Variants in MBOAT4 observed in about 807,000 individuals in gnomAD.
MBOAT4 encodes the protein membrane-bound ghrelin O-acyltransferase MBOAT4.
A neutral mutation model predicts 13.2 loss-of-function variants in MBOAT4; 11 were observed. That is an observed-to-expected ratio of 0.84 (90% confidence interval 0.53 to 1.38). The LOEUF (loss-of-function observed/expected upper bound fraction) is 1.38, where lower values mean the gene tolerates loss of function less well. MBOAT4 is among the 40% of genes most tolerant of loss of function. MBOAT4 has a pLI of 0.00. For synonymous variants in MBOAT4, 202 were observed against 210.3 expected, an observed-to-expected ratio of 0.96 and a Z score of 0.34; for missense variants, 481 against 527.2, an observed-to-expected ratio of 0.91 and a Z score of 0.86.
chr8:30,137,599 G>A, intron 2 of MBOAT4: 1 of 930,822 alleles, frequency 1.1e-6, no homozygotes, highest in Non-Finnish European at 1.6e-6. Flanking sequence ...TAATGAAACT[G>A]CCATTGCAAA....
At chr8:30,136,471 A>G (rs1439574192) in intron 2 of MBOAT4, among the ~76,000 whole-genome samples, 7 of 152,158 alleles carry the variant, frequency 4.6e-5, no homozygotes, top group African/African-American at 1.7e-4. Context: ...TGAGCCACCC[A>G]GTCTGTGGCA....
chr8:30,132,546 G>A lies in MBOAT4; in HGVS notation c.705C>T (p.Cys235=). 6.4e-7 allele frequency: 1 copy of A among 1,551,700 alleles called. No individual in the cohort carries two copies. Among genetic ancestry groups the A allele is most frequent in the Non-Finnish European group, 8.7e-7 (1 of 1,147,002 alleles). The change falls in exon 3 of 3, where the codon TGC becomes TGT. Residue 235 remains cysteine, a synonymous_variant. Coordinates refer to ENST00000320542, the MANE Select transcript of MBOAT4 (RefSeq NM_001100916.2). ...CGACATAGATGCACTCGAATTGCTG[G>A]CAATCAGTCAGTCCCGCTCCTGCAT... ...VVDAGAGLTD[C]QQFECIYVVW...
intron 1 of MBOAT4, among the ~76,000 whole-genome samples, chr8:30,139,987 T>A (rs1803233915): frequency 6.6e-6 from 1 of 152,108 alleles, no homozygotes; most frequent in Non-Finnish European, 1.5e-5. Flanking sequence ...GTTGTTACAG[T>A]TTATTATATC....
chr8:30,133,605 A>G (rs192886832), intron 2 of MBOAT4, among the ~76,000 whole-genome samples: 50 of 152,166 alleles, frequency 3.3e-4, no homozygotes, highest in Admixed American at 1.6e-3. Context: ...TTAATTCAGA[A>G]CCACACACTA....
At chr8:30,134,838 G>GCTC (rs1040356558) in intron 2 of MBOAT4, among the ~76,000 whole-genome samples, 1 of 151,880 alleles carries the variant, frequency 6.6e-6, no homozygotes, top group African/African-American at 2.4e-5. Flanking sequence ...GTGAGCCACT[G>GCTC]CTCCCAGCCA....
At chr8:30,140,378 G>A (rs994842086) in intron 1 of MBOAT4, among the ~76,000 whole-genome samples, 3 of 151,976 alleles carry the variant, frequency 2.0e-5, no homozygotes, top group Non-Finnish European at 2.9e-5. Context: ...ATAAGCCATC[G>A]CGCCCGGCCA....
At chr8:30,138,412 C>G (rs1795795461) in intron 2 of MBOAT4, 120 bp downstream of exon 2, 1 of 701,442 alleles carries the variant, frequency 1.4e-6, no homozygotes, top group Admixed American at 2.9e-5. Context: ...TGCTCAAGGT[C>G]ACACTGGTCA....
intron 1 of MBOAT4, 115 bp downstream of exon 1, chr8:30,144,368 T>A (rs981283665): frequency 1.5e-6 from 1 of 683,464 alleles, no homozygotes; most frequent in Non-Finnish European, 2.4e-6. Context: ...ACCCCTGGCC[T>A]CAAGTGATCT....
chr8:30,137,226 C>A, intron 2 of MBOAT4: 1 of 1,417,542 alleles, frequency 7.1e-7, no homozygotes, highest in Non-Finnish European at 9.7e-7. Flanking sequence ...TGATTCATGA[C>A]AACACTTCTC....
rs137925555 is a variant in MBOAT4 at position 30,132,718 on chromosome 8, C to A, written c.533G>T (p.Gly178Val). The A allele has an allele frequency of 3.2e-6, 5 of 1,551,700 alleles. No homozygotes were observed. The highest frequency in any genetic ancestry group is 4.4e-6 in the Non-Finnish European group (5 of 1,147,000). Residue 178 changes from glycine to valine, a missense_variant, in exon 3 of 3, where the codon GGC becomes GTC. Gly to Val is a moderately radical substitution (Grantham distance 109). Transcript: ENST00000320542. ...AAATCGCTGGAAGGAGCACAGAGAG[C>A]CTCCCAGGAGAGCAGGGAAAAAGAG... is the stretch of plus-strand genomic sequence containing the variant. The part of the protein sequence containing the change: ...YLLFFPALLG[G>V]SLCSFQRFQA...
In MBOAT4 at chr8:30,132,728, G is replaced by A. The variant is rs1803052985; in HGVS notation, c.523C>T (p.Leu175Phe). The change falls in exon 3 of 3, where the codon CTC becomes TTC. Residue 175 changes from leucine (L) to phenylalanine (F), a missense_variant. Transcript: ENST00000320542. ...YFSYLLFFPA[L>F]LGGSLCSFQR... ...AAGGAGCACAGAGAGCCTCCCAGGA[G>A]AGCAGGGAAAAAGAGCAAGTAGCTG... is the stretch of plus-strand genomic sequence containing the variant. The A allele has an allele frequency of 1.2e-5, 19 of 1,551,594 alleles. No homozygotes were observed. The highest frequency in any genetic ancestry group is 3.6e-5 in the South Asian group (3 of 84,072).
At chr8:30,141,644 AAAAGAAAAG>A (rs1480074831) in intron 1 of MBOAT4, among the ~76,000 whole-genome samples, 8 of 152,122 alleles carry the variant, frequency 5.3e-5, no homozygotes, top group Non-Finnish European at 1.2e-4. Flanking sequence ...TTTCAAAAAG[AAAAGAAAAG>A]AAAGAAAAGA....
rs954257071 is a variant in MBOAT4 at position 30,132,106 on chromosome 8, G to A, written c.1145C>T (p.Thr382Ile). The A allele has an allele frequency of 3.9e-6, 6 of 1,551,636 alleles. No individual in the cohort carries two copies. In the African/African-American group the frequency reaches 8.2e-5, roughly 21 times the overall value. Residue 382 changes from threonine to isoleucine, a missense_variant, in exon 3 of 3, where the codon ACC (threonine) becomes ATC (isoleucine). Thr to Ile is a moderately conservative substitution (Grantham distance 89). Transcript: ENST00000320542. ...WPMRLFYRTL[T>I]WAHTQLIIAY... is the part of the protein sequence containing the mutation. ...AATGATCAACTGGGTGTGGGCCCAG[G>A]TGAGGGTTCTATAGAACAGCCTCAT... is the stretch of plus-strand genomic sequence containing the variant.
intron 2 of MBOAT4, chr8:30,137,437 C>T (rs1803173182): frequency 6.4e-7 from 1 of 1,551,736 alleles, no homozygotes; most frequent in Non-Finnish European, 8.7e-7. Flanking sequence ...TGCTGAGTCA[C>T]TTCTGGGCAG....
At chr8:30,137,544 A>C in intron 2 of MBOAT4, 1 of 1,373,230 alleles carries the variant, frequency 7.3e-7, no homozygotes, top group Non-Finnish European at 1.0e-6. Context: ...TGTAGGCAAC[A>C]CGTGGCAGTG....
Position 30,132,768 on chromosome 8 carries a change from C to T in MBOAT4, c.483G>A (p.Lys161=), listed in dbSNP as rs890040184. ...GCAAGTAGCTGAAATAGGGCAGTGC[C>T]TTACACACATGCTCAGACAAAGAGC... ...SRSSLSEHVC[K]ALPYFSYLLF... Residue 161 remains lysine (K), a synonymous_variant, in exon 3 of 3, where the codon AAG becomes AAA. Transcript: ENST00000320542. 3 of 1,551,748 alleles carry T rather than the reference C, an allele frequency of 1.9e-6. No homozygotes were observed. The highest frequency in any genetic ancestry group is 8.7e-7 in the Non-Finnish European group (1 of 1,147,016).
At chr8:30,141,735 AG>A (rs1386111857) in intron 1 of MBOAT4, among the ~76,000 whole-genome samples, 3 of 152,216 alleles carry the variant, frequency 2.0e-5, no homozygotes, top group African/African-American at 7.2e-5. Flanking sequence ...GACTCAAAGA[AG>A]CCTAGGATTT....
At chr8:30,138,912 A>G (rs1436360277) in intron 1 of MBOAT4, among the ~76,000 whole-genome samples, 156 bp from the exon 2 acceptor site, 2 of 152,156 alleles carry the variant, frequency 1.3e-5, no homozygotes, top group Non-Finnish European at 2.9e-5. Flanking sequence ...TTTGTTCTTC[A>G]GAAGAAAAGA....
intron 2 of MBOAT4, chr8:30,137,155 G>T (rs1472980080): frequency 1.2e-5 from 10 of 805,940 alleles, no homozygotes; most frequent in Non-Finnish European, 1.8e-5. Context: ...ACCAGAGAGA[G>T]CCAGGAACAT....
Sources: gnomAD v4.1 joint callset for allele counts (sites outside exome capture counted in the v4.1 genomes callset) on GRCh38, gnomAD v4.1.1 for gene constraint, MANE v1.5 for transcripts, NCBI Gene and HGNC (gene_info 2026-07-23, HGNC 2026-07-21) for gene names.